Variants in STK40 observed in about 807,000 individuals in gnomAD.
STK40 encodes serine/threonine kinase 40.
A neutral mutation model predicts 47.9 loss-of-function variants in STK40; 13 were observed. The ratio of observed to expected loss-of-function variants is 0.27; its 90% CI spans 0.18 to 0.43. The LOEUF is 0.43. Ranked by LOEUF, STK40 falls within the 20% of genes least tolerant of loss-of-function variation. The probability of loss-of-function intolerance (pLI) is 1.00; values close to 1 mark genes in which losing one functional copy is unlikely to be tolerated. For synonymous variants in STK40, 225 were observed against 243.2 expected (o/e 0.93, Z 0.69); for missense variants, 460 against 595.1 (o/e 0.77, Z 2.36).
At chr1:36,370,542 C>T (rs1422423904) in intron 1 of STK40, among the ~76,000 whole-genome samples, 5 of 152,156 alleles carry the variant, frequency 3.3e-5, no homozygotes, top group African/African-American at 9.7e-5. Flanking sequence ...AATCTGAATG[C>T]GCGATGCAAC....
At position 36,355,293 on chromosome 1, in the gene STK40, G is replaced by A. The variant is rs138154792; in HGVS notation, c.483C>T (p.His161=). ...DKTADLINLQ[H]YVIKEKRLSE... ...TGAGCCTCTTCTCCTTGATGACGTA[G>A]TGCTGCAGGTTGATGAGGTCAGCGG... is the stretch of plus-strand genomic sequence containing the variant. The change falls in exon 5 of 11, where the codon CAC becomes CAT. Residue 161 remains histidine (H), a synonymous_variant. Coordinates refer to ENST00000373132, the MANE Select transcript of STK40 (RefSeq NM_001282547.2). The A allele has an allele frequency of 2.2e-5, 36 of 1,614,158 alleles. No individual in the cohort carries two copies. The highest frequency in any genetic ancestry group is 2.6e-5 in the Non-Finnish European group (31 of 1,180,042).
Position 36,343,130 on chromosome 1 carries a change from G to A in STK40, c.1089+234C>T, listed in dbSNP as rs181651563. 4.9e-5 allele frequency: 32 copies of A among 658,068 alleles called. No individual in the cohort carries two copies. The East Asian group carries it at 4.9e-4, about 10-fold the overall frequency. The allele number at this position is 658,068 out of a possible 1,614,324, so 40.8% of individuals were successfully genotyped here. ...GCCACTTGGGCACTGGCTCCAGCTC[G>A]GCTGTCTCACAGGTCTCTCTGGCCA... On this transcript the variant is annotated intron_variant, in intron 10 of 10. Transcript: ENST00000373132.
intron 2 of STK40, among the ~76,000 whole-genome samples, chr1:36,360,671 G>A (rs1646844098): frequency 6.6e-6 from 1 of 152,026 alleles, no homozygotes; most frequent in Non-Finnish European, 1.5e-5. Flanking sequence ...AAGTAGCTAG[G>A]ACTACAGGCA....
chr1:36,345,991 A>ATATATCTTTTTTTTTTTTTT, intron 7 of STK40, among the ~76,000 whole-genome samples: 1 of 26,468 alleles, frequency 3.8e-5, no homozygotes, highest in Non-Finnish European at 6.9e-5. Context: ...ATATATATAT[A>ATATATCTTTTTTTTTTTTTT]TTTTTTTTTT....
At chr1:36,348,009 T>C (rs1388865347) in intron 7 of STK40, among the ~76,000 whole-genome samples, 1 of 152,248 alleles carries the variant, frequency 6.6e-6, no homozygotes, top group Non-Finnish European at 1.5e-5. Flanking sequence ...GTCAGCTCCA[T>C]GAAGGCAGCA....
At chr1:36,361,095 G>A in intron 2 of STK40, 126 bp downstream of exon 2, 4 of 1,090,766 alleles carry the variant, frequency 3.7e-6, no homozygotes, top group African/African-American at 1.6e-5. Context: ...CCTGGGGCAG[G>A]GCAGGACCAC....
chr1:36,359,630 T>A (rs1417645424), intron 2 of STK40, among the ~76,000 whole-genome samples: 1 of 152,226 alleles, frequency 6.6e-6, no homozygotes, highest in African/African-American at 2.4e-5. Flanking sequence ...AAATCTGATG[T>A]CACAGTGCCA....
At chr1:36,385,396 T>C (rs1230956575) in intron 1 of STK40, among the ~76,000 whole-genome samples, 5 of 152,154 alleles carry the variant, frequency 3.3e-5, no homozygotes, top group Admixed American at 6.5e-5. Flanking sequence ...AGGTGTCTTT[T>C]TGGAAAGATC....
chr1:36,373,719 G>A (rs903631546), intron 1 of STK40, among the ~76,000 whole-genome samples: 3 of 152,208 alleles, frequency 2.0e-5, no homozygotes, highest in African/African-American at 7.2e-5. Context: ...AAAACAGAGC[G>A]ATGATTTTGT....
At chr1:36,348,059 T>G (rs937812164) in intron 7 of STK40, among the ~76,000 whole-genome samples, 1 of 152,230 alleles carries the variant, frequency 6.6e-6, no homozygotes, top group Non-Finnish European at 1.5e-5. Flanking sequence ...CCAAAGTGTC[T>G]AGAACAGAGC....
chr1:36,342,863 C>T (rs952538405), intron 10 of STK40: 17 of 342,196 alleles, frequency 5.0e-5, no homozygotes, highest in East Asian at 7.2e-5. Flanking sequence ...TGCTGTTGCT[C>T]GGCCAAGCCC....
At chr1:36,366,971 A>G (rs1391926620) in intron 1 of STK40, among the ~76,000 whole-genome samples, 2 of 149,558 alleles carry the variant, frequency 1.3e-5, no homozygotes, top group African/African-American at 4.9e-5. Flanking sequence ...AGTACCTGAG[A>G]TTACAGGCAT....
chr1:36,383,229 C>A (rs554084040), intron 1 of STK40, among the ~76,000 whole-genome samples: 2 of 152,366 alleles, frequency 1.3e-5, no homozygotes, highest in East Asian at 3.9e-4. Context: ...CAGGCGTGAG[C>A]CATCATACCC....
intron 1 of STK40, among the ~76,000 whole-genome samples, chr1:36,370,149 G>A (rs1646933109): frequency 6.6e-6 from 1 of 152,242 alleles, no homozygotes; most frequent in Non-Finnish European, 1.5e-5. Context: ...ATTACCGGGG[G>A]TTTTGCTTAG....
At chr1:36,376,802 A>T (rs991013949) in intron 1 of STK40, among the ~76,000 whole-genome samples, 3 of 144,828 alleles carry the variant, frequency 2.1e-5, no homozygotes, top group Non-Finnish European at 3.1e-5. Context: ...TCTAGAAGAA[A>T]TTTTTTTTTT....
At chr1:36,374,593 T>C (rs1043689876) in intron 1 of STK40, among the ~76,000 whole-genome samples, 3 of 152,170 alleles carry the variant, frequency 2.0e-5, no homozygotes, top group Admixed American at 2.0e-4. Flanking sequence ...CAACAAATAA[T>C]CTGTCACTGT....
chr1:36,345,968 C>CAT lies in STK40; in HGVS notation c.740-1706_740-1705dup, dbSNP rs1553135169. ...GCCAAACACTAGGTTAAGGGCATTA[C>CAT]ATATATATATATATATATATATATT... On this transcript the variant is annotated intron_variant, in intron 7 of 10. Coordinates refer to ENST00000373132, the MANE Select transcript of STK40 (RefSeq NM_001282547.2). Among the ~76,000 whole-genome samples the CAT allele has an allele frequency of 2.1e-3, 64 of 29,930 alleles. 3 individuals are homozygous for CAT. Among genetic ancestry groups the CAT allele is most frequent in the Non-Finnish European group, 2.5e-3 (40 of 16,228 alleles). 19.6% of individuals were successfully genotyped at this position (29,930 alleles called of 152,430 possible). A position where few individuals can be genotyped will look rare whatever the true frequency, so the allele number is the denominator to read the frequency against.
At position 36,341,192 on chromosome 1, in the gene STK40, A is replaced by G. The variant is rs1211566457; in HGVS notation, c.*563T>C. On this transcript the variant is annotated 3_prime_UTR_variant, in exon 11 of 11. Coordinates refer to ENST00000373132, the MANE Select transcript of STK40 (RefSeq NM_001282547.2). Reference sequence around the variant, plus strand: ...GAGATGGGAGAGAAGTTGGTATGGTAAAAAAATAAATATATTTGAGTTCGG... The same window carrying G: ...GAGATGGGAGAGAAGTTGGTATGGTGAAAAAATAAATATATTTGAGTTCGG... 1 of 153,302 alleles carries G rather than the reference A, an allele frequency of 6.5e-6. No individual in the cohort carries two copies. The highest frequency in any genetic ancestry group is 1.5e-5 in the Non-Finnish European group (1 of 68,542). The allele number at this position is 153,302 out of a possible 1,614,324, so 9.5% of individuals were successfully genotyped here. A position where few individuals can be genotyped will look rare whatever the true frequency, so the allele number is the denominator to read the frequency against.
intron 7 of STK40, among the ~76,000 whole-genome samples, chr1:36,344,649 C>T (rs1222718879): frequency 6.6e-6 from 1 of 152,242 alleles, no homozygotes; most frequent in East Asian, 1.9e-4. Flanking sequence ...CCACACCCCA[C>T]CTGCCTCCTT....
Sources: gnomAD v4.1 joint callset for allele counts (sites outside exome capture counted in the v4.1 genomes callset) on GRCh38, gnomAD v4.1.1 for gene constraint, MANE v1.5 for transcripts, NCBI Gene and HGNC (gene_info 2026-07-23, HGNC 2026-07-21) for gene names.